The following EXO1 variants were observed in gnomAD, a reference collection of about 807,000 sequenced individuals.
The protein encoded by EXO1 is exonuclease 1.
In EXO1, 69 loss-of-function variants were observed where a neutral mutation model predicts 84.5. The observed-to-expected ratio is 0.82, with a 90% confidence interval of 0.67 to 1.00. The LOEUF (loss-of-function observed/expected upper bound fraction) is 1.00. Among genes scored for constraint, EXO1 ranks in the 50% least tolerant of loss-of-function variants. The probability of loss-of-function intolerance (pLI) is 0.00; values close to 1 mark genes in which losing one functional copy is unlikely to be tolerated. For missense variants in EXO1, 1,045 were observed against 1,000.7 expected (o/e 1.04, Z -0.60); for synonymous variants, 373 against 366.1 (o/e 1.02, Z -0.21).
At chr1:241,849,084 T>C (rs1480214379) in intron 2 of EXO1, 28 bp from the exon 3 acceptor site, 1 of 152,220 alleles carries the variant, frequency 6.6e-6, no homozygotes, top group East Asian at 1.9e-4. Flanking sequence ...CCAGATTAAC[T>C]GCTTTGTTTA....
In EXO1 at chr1:241,875,753, T is replaced by C. The variant is rs1038581763; in HGVS notation, c.1515-2996T>C. Reference sequence around the variant, plus strand: ...ATTAGCCGGGCGTGGTGGCGGGCGCTAGTAGTCCCAGCTGTTTGGGAGGCT... The same window carrying C: ...ATTAGCCGGGCGTGGTGGCGGGCGCCAGTAGTCCCAGCTGTTTGGGAGGCT... On this transcript the variant is annotated intron_variant, in intron 12 of 15. Transcript: ENST00000366548. 2.9e-4 allele frequency among the ~76,000 whole-genome samples: 44 copies of C among 152,162 alleles called. No individual in the cohort carries two copies. In the Middle Eastern group the frequency reaches 0.014, roughly 47 times the overall value.
Position 241,879,117 on chromosome 1 carries a change from C to T in EXO1, c.1883C>T (p.Thr628Ile), listed in dbSNP as rs978138903. The T allele has an allele frequency of 2.5e-6, 4 of 1,612,384 alleles. No individual in the cohort carries two copies. The African/African-American group carries it at 5.3e-5, about 22-fold the overall frequency. Residue 628 changes from threonine (T) to isoleucine (I), a missense_variant, in exon 13 of 16, where the codon ACA becomes ATA. Transcript: ENST00000366548. ...AGAACGCCGAGCCCCTCTCCAAGCA[C>T]AGCATTGCAGCAGTTCCGAAGAAAG... ...FSRTPSPSPS[T>I]ALQQFRRKSD...
chr1:241,857,249 C>A, intron 6 of EXO1, 96 bp from the exon 7 acceptor site: 1 of 1,137,834 alleles, frequency 8.8e-7, no homozygotes, highest in Non-Finnish European at 1.3e-6. Context: ...TTAGCATGTG[C>A]CTGCTGAGGC....
Position 241,866,862 on chromosome 1 carries a change from C to CAAAACATGT in EXO1, c.1075_1083dup (p.Lys359_Cys361dup). ...ATTCAAGAAGTCATAGTTGGGATGA[C>CAAAACATGT]AAAACATGTCAAAAGTCAGCTAATG... On this transcript the variant is annotated inframe_insertion, in exon 11 of 16. Transcript: ENST00000366548. The CAAAACATGT allele has an allele frequency of 6.2e-7, 1 of 1,613,876 alleles. No homozygotes were observed. Among genetic ancestry groups the CAAAACATGT allele is most frequent in the Non-Finnish European group, 8.5e-7 (1 of 1,179,810 alleles).
intron 11 of EXO1, among the ~76,000 whole-genome samples, chr1:241,869,226 T>C (rs1661932394): frequency 6.6e-6 from 1 of 152,214 alleles, no homozygotes; most frequent in Non-Finnish European, 1.5e-5. Context: ...AGAGCAATGG[T>C]GCAGAATAAT....
At chr1:241,849,627 G>A (rs1278502947) in intron 3 of EXO1, among the ~76,000 whole-genome samples, 1 of 152,182 alleles carries the variant, frequency 6.6e-6, no homozygotes, top group Non-Finnish European at 1.5e-5. Context: ...AAAAGTACAG[G>A]ATCATTTCTG....
chr1:241,853,312 C>T, intron 5 of EXO1, 46 bp from the exon 6 acceptor site: 6 of 1,602,418 alleles, frequency 3.7e-6, no homozygotes, highest in Non-Finnish European at 5.1e-6. Context: ...TTTCTTGAGT[C>T]AGCCTCTTAA....
intron 12 of EXO1, among the ~76,000 whole-genome samples, chr1:241,877,598 A>G (rs1182815524): frequency 1.3e-5 from 2 of 152,194 alleles, no homozygotes; most frequent in Non-Finnish European, 2.9e-5. Context: ...ACTAATGCCT[A>G]TTAAGGAGGT....
At chr1:241,873,715 G>A (rs1662242817) in intron 12 of EXO1, among the ~76,000 whole-genome samples, 1 of 152,140 alleles carries the variant, frequency 6.6e-6, no homozygotes, top group African/African-American at 2.4e-5. Flanking sequence ...TTTCCATACA[G>A]TATGGTGAGT....
At chr1:241,861,604 A>G (rs1035526351) in intron 10 of EXO1, 102 bp downstream of exon 10, 5 of 754,334 alleles carry the variant, frequency 6.6e-6, no homozygotes, top group South Asian at 1.4e-5. Context: ...AAGCGTTTCT[A>G]TATCCAGGCT....
chr1:241,867,030 A>T lies in EXO1; in HGVS notation c.1242A>T (p.Ser414=), dbSNP rs778967797. Residue 414 remains serine (S), a synonymous_variant, in exon 11 of 16, where the codon TCA becomes TCT. Coordinates refer to ENST00000366548, the MANE Select transcript of EXO1 (RefSeq NM_130398.4). ...STKGLNLPRK[S]SIVKRPRSAE... ...AAGGGTTAAATCTCCCAAGGAAATCATCCATTGTGAAAAGACCAAGAAGTG... is the reference window on the plus strand; with the variant it reads ...AAGGGTTAAATCTCCCAAGGAAATCTTCCATTGTGAAAAGACCAAGAAGTG... 1.9e-6 allele frequency: 3 copies of T among 1,613,772 alleles called. No homozygotes were observed. Among genetic ancestry groups the T allele is most frequent in the Non-Finnish European group, 2.5e-6 (3 of 1,179,646 alleles).
At chr1:241,864,877 T>C (rs1661617650) in intron 10 of EXO1, among the ~76,000 whole-genome samples, 1 of 151,384 alleles carries the variant, frequency 6.6e-6, no homozygotes, top group South Asian at 2.1e-4. Context: ...TTTCTTTCTT[T>C]CTTTTTTTTT....
At chr1:241,852,219 T>C in intron 4 of EXO1, 73 bp from the exon 5 acceptor site, 3 of 1,343,232 alleles carry the variant, frequency 2.2e-6, no homozygotes, top group South Asian at 1.2e-5. Flanking sequence ...AGTTTTCTCA[T>C]CTGGCCTAAA....
intron 15 of EXO1, 173 bp downstream of exon 15, chr1:241,885,680 A>G (rs558396197): frequency 5.0e-5 from 32 of 640,808 alleles, no homozygotes; most frequent in Middle Eastern, 8.9e-4. Flanking sequence ...ATCAATTTCT[A>G]TACCTTCTTT....
At chr1:241,852,799 G>A (rs919933180) in intron 5 of EXO1, among the ~76,000 whole-genome samples, 3 of 152,128 alleles carry the variant, frequency 2.0e-5, no homozygotes, top group African/African-American at 7.2e-5. Context: ...TGGGACTACA[G>A]GCACGTGCCA....
chr1:241,852,419 A>C lies in EXO1; in HGVS notation c.281+8A>C. 1.3e-6 allele frequency: 2 copies of C among 1,591,528 alleles called. No individual in the cohort carries two copies. The highest frequency in any genetic ancestry group is 8.6e-7 in the Non-Finnish European group (1 of 1,161,060). On this transcript the variant is annotated splice_region_variant and intron_variant, in intron 5 of 15. Transcript: ENST00000366548. ...AGAGAGATCTAGAAGAGAGTAAGTTAATTCTCTACTTAATCTCTAACTTCA... is the reference window on the plus strand; with the variant it reads ...AGAGAGATCTAGAAGAGAGTAAGTTCATTCTCTACTTAATCTCTAACTTCA...
intron 8 of EXO1, among the ~76,000 whole-genome samples, chr1:241,859,489 A>C (rs1661251440): frequency 6.6e-6 from 1 of 152,236 alleles, no homozygotes; most frequent in East Asian, 1.9e-4. Context: ...TATGTGTGTA[A>C]GGCTTATATG....
chr1:241,850,981 C>T (rs1660638913), intron 4 of EXO1, among the ~76,000 whole-genome samples: 2 of 151,736 alleles, frequency 1.3e-5, no homozygotes, highest in Non-Finnish European at 2.9e-5. Flanking sequence ...ATTACAGGTG[C>T]ACACCACCAT....
Position 241,860,503 on chromosome 1 carries a change from G to T in EXO1, c.757-14G>T, listed in dbSNP as rs1470823923. On this transcript the variant is annotated splice_polypyrimidine_tract_variant and intron_variant, in intron 8 of 15. Transcript: ENST00000366548. ...CTTTAGTTGCAGATAAAATATTTTT[G>T]CATGCATTGTTAGGTTATCAAGAAA... The T allele has an allele frequency of 6.9e-6, 11 of 1,587,354 alleles. No individual in the cohort carries two copies. Among genetic ancestry groups the T allele is most frequent in the Non-Finnish European group, 9.5e-6 (11 of 1,155,744 alleles).
Sources: allele counts gnomAD v4.1 joint callset (sites outside exome capture counted in the v4.1 genomes callset), GRCh38; gene constraint gnomAD v4.1.1; transcripts MANE v1.5; gene names NCBI Gene and HGNC (gene_info 2026-07-23, HGNC 2026-07-21).